KIF26A: variants seen among roughly 807,000 people sequenced by gnomAD.
KIF26A encodes kinesin family member 26A, also known as kinesin-like protein KIF26A.
Under a neutral mutation model 126.0 loss-of-function variants are expected in KIF26A, and 74 were observed. The ratio of observed to expected loss-of-function variants is 0.59; its 90% CI spans 0.49 to 0.71. KIF26A has a LOEUF of 0.71. KIF26A is among the 30% of genes least tolerant of loss of function. The probability of loss-of-function intolerance (pLI) is 0.00; values close to 1 mark genes in which losing one functional copy is unlikely to be tolerated. For missense variants in KIF26A, 2,984 were observed against 2,763.3 expected, an observed-to-expected ratio of 1.08 and a Z score of -1.79; for synonymous variants, 1,445 against 1,232.7, an observed-to-expected ratio of 1.17 and a Z score of -3.61.
chr14:104,140,766 C>T (rs1047003520), intron 2 of KIF26A, among the ~76,000 whole-genome samples: 14 of 152,204 alleles, frequency 9.2e-5, no homozygotes, highest in African/African-American at 2.7e-4. Context: ...CCAGCCTCCC[C>T]TGAGCTTGGC....
chr14:104,165,774 ACTGTGTCT>A (rs1261394767), intron 4 of KIF26A, among the ~76,000 whole-genome samples: 27 of 100,764 alleles, frequency 2.7e-4, no homozygotes, highest in East Asian at 9.3e-4. Flanking sequence ...CATGTGTGTG[ACTGTGTCT>A]CTGTGTCTCT....
chr14:104,157,199 C>T (rs958801445), intron 3 of KIF26A, among the ~76,000 whole-genome samples: 1 of 152,154 alleles, frequency 6.6e-6, no homozygotes, highest in Admixed American at 6.5e-5. Context: ...AGGAGGCCTC[C>T]CTTTCTGGGA....
rs191298913 is a variant in KIF26A, at chr14:104,147,014, C to T, written c.289-5001C>T. On this transcript the variant is annotated intron_variant, in intron 2 of 14. Coordinates refer to ENST00000423312, the MANE Select transcript of KIF26A (RefSeq NM_015656.2). ...GTTTCTGCCCAGGGATGCCTGGGGC[C>T]GCTGGGAGGCAGGGGCCTGATTTGA... Among the ~76,000 whole-genome samples the T allele has an allele frequency of 5.7e-3, 874 of 152,148 alleles. 3 individuals carry two copies. The highest frequency in any genetic ancestry group is 0.019 in the African/African-American group (790 of 41,502).
rs542976772 is a variant in KIF26A at position 104,174,831 on chromosome 14, G to A, written c.2194-151G>A. The stretch of plus-strand genomic sequence containing the variant: ...AGTTCTTCCCCTGAGACTCAGTTCC[G>A]CTCCCAGCGTTTGGTGGGACATGGT... On this transcript the variant is annotated intron_variant, in intron 11 of 14. Transcript: ENST00000423312. The A allele has an allele frequency of 2.3e-4, 186 of 802,272 alleles. 2 individuals are homozygous for A. The African/African-American group carries it at 2.5e-3, about 11-fold the overall frequency. 49.7% of individuals were successfully genotyped at this position (802,272 alleles called of 1,614,324 possible).
At chr14:104,157,061 A>G (rs886437155) in intron 3 of KIF26A, among the ~76,000 whole-genome samples, 2 of 152,052 alleles carry the variant, frequency 1.3e-5, no homozygotes, top group African/African-American at 2.4e-5. Context: ...GCATCCCCCC[A>G]CGCCGCCCAG....
intron 2 of KIF26A, 122 bp downstream of exon 2, chr14:104,139,410 A>G: frequency 1.6e-6 from 2 of 1,224,238 alleles, no homozygotes; most frequent in Non-Finnish European, 2.1e-6. Context: ...ACAAAGAGTT[A>G]TCAGCCAGGA....
At chr14:104,140,249 C>T (rs144535374) in intron 2 of KIF26A, among the ~76,000 whole-genome samples, 252 of 152,158 alleles carry the variant, frequency 1.7e-3, no homozygotes, top group African/African-American at 5.7e-3. Context: ...TCTGGAGTCT[C>T]GGCGAGGGAT....
intron 11 of KIF26A, 91 bp from the exon 12 acceptor site, chr14:104,174,891 C>A (rs749615139): frequency 3.8e-6 from 5 of 1,322,122 alleles, no homozygotes; most frequent in Admixed American, 5.5e-5. Context: ...TCACAGTGAC[C>A]GCAGCATTGG....
rs560034155 is a variant in KIF26A at position 104,152,308 on chromosome 14, G to T, written c.582G>T (p.Gly194=). 13 of 1,583,906 alleles carry T rather than the reference G, an allele frequency of 8.2e-6. No individual in the cohort carries two copies. The East Asian group carries it at 1.6e-4, about 20-fold the overall frequency. Residue 194 remains glycine (G), a synonymous_variant, in exon 3 of 15, where the codon GGG becomes GGT. Transcript: ENST00000423312. The surrounding 1 kb of genome is among the most constrained non-coding windows in gnomAD (Gnocchi z 5.9). ...GAGCTGGGCCAGACAGGACCAAGGG[G>T]CTGGCCTGGTCCCCCGGGCCCAGTG... is the stretch of plus-strand genomic sequence containing the variant. ...PGRAGPDRTK[G]LAWSPGPSVQ... is the part of the protein sequence containing the mutation.
chr14:104,147,953 G>A (rs2037694509), intron 2 of KIF26A, among the ~76,000 whole-genome samples: 1 of 152,210 alleles, frequency 6.6e-6, no homozygotes, highest in Non-Finnish European at 1.5e-5. Context: ...GGAGGGCCCC[G>A]TATGGCTGAG....
At position 104,172,709 on chromosome 14, in the gene KIF26A, A is replaced by T. The variant is rs370790603; in HGVS notation, c.1420+41A>T. On this transcript the variant is annotated intron_variant, in intron 7 of 14. Transcript: ENST00000423312. The stretch of plus-strand genomic sequence containing the variant: ...CCACCCTAGATGGGTCCTGCTGGCC[A>T]CCCCCTCCCATCCTCATCACGGTGG... The T allele has an allele frequency of 2.2e-5, 31 of 1,436,330 alleles. No homozygotes were observed. The African/African-American group carries it at 4.3e-4, about 20-fold the overall frequency. 89.0% of individuals were successfully genotyped at this position (1,436,330 alleles called of 1,614,324 possible).
In KIF26A at chr14:104,178,447, G is replaced by T. The variant is rs534593902; in HGVS notation, c.5111-103G>T. 3.5e-6 allele frequency: 3 copies of T among 860,024 alleles called. No homozygotes were observed. The South Asian group carries it at 7.1e-5, about 20-fold the overall frequency. 53.3% of individuals were successfully genotyped at this position (860,024 alleles called of 1,614,324 possible). On this transcript the variant is annotated intron_variant, in intron 12 of 14. Coordinates refer to ENST00000423312, the MANE Select transcript of KIF26A (RefSeq NM_015656.2). Reference sequence around the variant, plus strand: ...AGGATTCCTGGACTGGATCCCGAAGGCCTCCCTGTCAGGACTCGGGCCGGC... The same window carrying T: ...AGGATTCCTGGACTGGATCCCGAAGTCCTCCCTGTCAGGACTCGGGCCGGC...
At chr14:104,153,760 T>A (rs148528626) in intron 3 of KIF26A, among the ~76,000 whole-genome samples, 1 of 152,352 alleles carries the variant, frequency 6.6e-6, no homozygotes, top group East Asian at 1.9e-4. Flanking sequence ...GGGCTGGGCC[T>A]GAAACCCAGG....
In KIF26A at chr14:104,179,261, T is replaced by TGCGGCTGGCGGAGCGCAGGCAGCA; in HGVS notation, c.5350_5373dup (p.Ala1784_Leu1791dup). 2 of 1,524,508 alleles carry TGCGGCTGGCGGAGCGCAGGCAGCA rather than the reference T, an allele frequency of 1.3e-6. No individual in the cohort carries two copies. The highest frequency in any genetic ancestry group is 1.8e-6 in the Non-Finnish European group (2 of 1,140,536). 94.4% of individuals were successfully genotyped at this position (1,524,508 alleles called of 1,614,324 possible). A position where few individuals can be genotyped will look rare whatever the true frequency, so the allele number is the denominator to read the frequency against. On this transcript the variant is annotated inframe_insertion, in exon 14 of 15. Transcript: ENST00000423312. ...GGTCTGGCGTGCGTCAGTACAAGGC[T>TGCGGCTGGCGGAGCGCAGGCAGCA]GCGGCTGGCGGAGCGCAGGCAGCAG...
intron 4 of KIF26A, among the ~76,000 whole-genome samples, chr14:104,165,177 CTG>C (rs201389997): frequency 0.013 from 1,989 of 147,894 alleles, 18 homozygotes; most frequent in Middle Eastern, 0.022. Context: ...ATGCATGTGT[CTG>C]TGTTTCTGTA....
At position 104,180,489 on chromosome 14, in the gene KIF26A, C is replaced by A. The variant is rs1035418869; in HGVS notation, c.*699C>A. Reference sequence around the variant, plus strand: ...AAGCAAAAAACAAAACAGACCACCACGACCAACAACAAAGATGGGGGGTAG... The same window carrying A: ...AAGCAAAAAACAAAACAGACCACCAAGACCAACAACAAAGATGGGGGGTAG... On this transcript the variant is annotated 3_prime_UTR_variant, in exon 15 of 15. Coordinates refer to ENST00000423312, the MANE Select transcript of KIF26A (RefSeq NM_015656.2). 1.3e-5 allele frequency: 2 copies of A among 152,222 alleles called. No individual in the cohort carries two copies. Among genetic ancestry groups the A allele is most frequent in the Admixed American group, 6.5e-5 (1 of 15,286 alleles). The allele number at this position is 152,222 out of a possible 1,614,324, so 9.4% of individuals were successfully genotyped here.
chr14:104,152,554 G>C lies in KIF26A; in HGVS notation c.735+93G>C. ...CTCTGTCCACGTTGAGTGCCCTGCA[G>C]TAAGGCTTCCCTGAAGGGAGGGGAC... On this transcript the variant is annotated intron_variant, in intron 3 of 14. Coordinates refer to ENST00000423312, the MANE Select transcript of KIF26A (RefSeq NM_015656.2). The surrounding 1 kb of genome is among the most constrained non-coding windows in gnomAD (Gnocchi z 5.9). 7.9e-7 allele frequency: 1 copy of C among 1,261,912 alleles called. No homozygotes were observed. The highest frequency in any genetic ancestry group is 2.6e-5 in the East Asian group (1 of 39,204). 78.2% of individuals were successfully genotyped at this position (1,261,912 alleles called of 1,614,324 possible). A position where few individuals can be genotyped will look rare whatever the true frequency, so the allele number is the denominator to read the frequency against.
intron 3 of KIF26A, among the ~76,000 whole-genome samples, chr14:104,157,535 C>T (rs904676955): frequency 1.3e-5 from 2 of 152,162 alleles, no homozygotes; most frequent in Non-Finnish European, 2.9e-5. Context: ...GAGCTGGGAA[C>T]GTGACCTCAC....
chr14:104,161,465 T>C (rs1428491815), intron 4 of KIF26A, among the ~76,000 whole-genome samples: 1 of 152,228 alleles, frequency 6.6e-6, no homozygotes, highest in Non-Finnish European at 1.5e-5. Context: ...GCCTGTGAAA[T>C]TACCCTCTTG....
Sources: allele counts gnomAD v4.1 joint callset (sites outside exome capture counted in the v4.1 genomes callset), GRCh38; gene constraint gnomAD v4.1.1; non-coding constraint Gnocchi (gnomAD v3.1); transcripts MANE v1.5; gene names NCBI Gene and HGNC (gene_info 2026-07-23, HGNC 2026-07-21).